The following PES1 variants were observed in gnomAD, a reference collection of about 807,000 sequenced individuals.
PES1 encodes the protein pescadillo homolog.
In PES1, 31 loss-of-function variants were observed where a neutral mutation model predicts 77.1. The ratio of observed to expected loss-of-function variants is 0.40; its 90% confidence interval spans 0.30 to 0.54. PES1 has a LOEUF of 0.54. Among genes scored for constraint, PES1 ranks in the 20% least tolerant of loss-of-function variants. The probability of loss-of-function intolerance (pLI) is 0.45; values close to 1 mark genes in which losing one functional copy is unlikely to be tolerated. For missense variants in PES1, 658 were observed against 771.7 expected (o/e 0.85, Z 1.75); for synonymous variants, 282 against 303.0 (o/e 0.93, Z 0.72).
At position 30,580,033 on chromosome 22, in the gene PES1, G is replaced by C; in HGVS notation, c.1169+20C>G. 1 of 1,612,954 alleles carries C rather than the reference G, an allele frequency of 6.2e-7. No individual in the cohort carries two copies. The highest frequency in any genetic ancestry group is 8.5e-7 in the Non-Finnish European group (1 of 1,179,414). ...AGACAGGATACCCAGAAATCCGGACGAGGACCCTTGAGGGCCTACCTGCCA... is the reference window on the plus strand; with the variant it reads ...AGACAGGATACCCAGAAATCCGGACCAGGACCCTTGAGGGCCTACCTGCCA... On this transcript the variant is annotated intron_variant, in intron 11 of 14. Coordinates refer to ENST00000354694, the MANE Select transcript of PES1 (RefSeq NM_014303.4).
At chr22:30,594,395 C>T (rs1467892651), upstream of PES1, among the ~76,000 whole-genome samples, 1 of 151,974 alleles carries the variant, frequency 6.6e-6, no homozygotes, top group Non-Finnish European at 1.5e-5. Flanking sequence ...TGATGCACAC[C>T]TGTAATCCCA....
chr22:30,599,099 T>C (rs2087314401), intron 2 of PES1, among the ~76,000 whole-genome samples: 1 of 151,592 alleles, frequency 6.6e-6, no homozygotes, highest in African/African-American at 2.4e-5. Context: ...GGATTTTTAC[T>C]ATGTTGGCCA....
At chr22:30,595,268 G>A (rs1466039492), upstream of PES1, among the ~76,000 whole-genome samples, 3 of 152,002 alleles carry the variant, frequency 2.0e-5, no homozygotes, top group Non-Finnish European at 2.9e-5. Flanking sequence ...GGCTGGGCGC[G>A]ACAGCTCATG....
At chr22:30,599,138 C>G (rs763793962) in intron 2 of PES1, among the ~76,000 whole-genome samples, 1 of 151,858 alleles carries the variant, frequency 6.6e-6, no homozygotes, top group Non-Finnish European at 1.5e-5. Context: ...GACAAGTGAT[C>G]CACTTGCCTC....
At chr22:30,591,239 A>G (rs752007764) in intron 1 of PES1, among the ~76,000 whole-genome samples, 1 of 152,134 alleles carries the variant, frequency 6.6e-6, no homozygotes, top group African/African-American at 2.4e-5. Flanking sequence ...ATCTTATCAG[A>G]TGCCATTCTT....
intron 1 of PES1, among the ~76,000 whole-genome samples, chr22:30,590,744 G>A (rs968312414): frequency 1.3e-5 from 2 of 152,130 alleles, no homozygotes; most frequent in African/African-American, 2.4e-5. Context: ...AGTAGGTAAA[G>A]GATCAGGGAT....
At chr22:30,584,109 C>CGG in intron 6 of PES1, 1 of 529,452 alleles carries the variant, frequency 1.9e-6, no homozygotes, top group Non-Finnish European at 3.4e-6. Flanking sequence ...GGTGTAGACA[C>CGG]TGTTAACTGA....
intron 2 of PES1, 126 bp downstream of exon 2, chr22:30,589,065 C>A (rs546053329): frequency 3.0e-6 from 2 of 657,442 alleles, no homozygotes; most frequent in East Asian, 2.8e-5. Context: ...AAAGCAAGGG[C>A]GGTGAGAAAG....
At chr22:30,596,780 C>A (rs892576635), upstream of PES1, among the ~76,000 whole-genome samples, 19 of 152,224 alleles carry the variant, frequency 1.2e-4, no homozygotes, top group African/African-American at 4.6e-4. Context: ...GCCCTTCAGC[C>A]CCGCTGCTGC....
rs1238590923 is a variant in PES1 at position 30,577,671 on chromosome 22, T to TG, written c.1684-543dup. 3.2e-3 allele frequency among the ~76,000 whole-genome samples: 489 copies of TG among 151,470 alleles called. 3 individuals are homozygous for TG. Among genetic ancestry groups the TG allele is most frequent in the African/African-American group, 0.011 (440 of 41,252 alleles). On this transcript the variant is annotated intron_variant, in intron 14 of 14. Coordinates refer to ENST00000354694, the MANE Select transcript of PES1 (RefSeq NM_014303.4). ...ATGCGTAGCCCTTTCTTTTTTTTTT[T>TG]GGGGGGTAGAGACAGGGTCTCAATA... is the stretch of plus-strand genomic sequence containing the variant.
chr22:30,598,043 C>T (rs1466898465), intron 2 of PES1, among the ~76,000 whole-genome samples: 1 of 152,036 alleles, frequency 6.6e-6, no homozygotes, highest in South Asian at 2.1e-4. Flanking sequence ...GCCACTACGC[C>T]CGGCTAGTTT....
At chr22:30,597,950 C>T (rs1238842570) in intron 2 of PES1, among the ~76,000 whole-genome samples, 6 of 142,626 alleles carry the variant, frequency 4.2e-5, no homozygotes, top group Non-Finnish European at 6.0e-5. Context: ...GTGGCGGCAT[C>T]TCGGCTCACT....
chr22:30,598,485 T>G (rs1358252796), intron 2 of PES1: 3 of 151,974 alleles, frequency 2.0e-5, no homozygotes, highest in Non-Finnish European at 4.4e-5. Context: ...TGGAGTGCAG[T>G]GGTAACAATC....
At chr22:30,603,925 A>T (rs1371024101) in intron 2 of PES1, 3 of 152,214 alleles carry the variant, frequency 2.0e-5, no homozygotes, top group Non-Finnish European at 4.4e-5. Flanking sequence ...AACTATAGTG[A>T]TCTGGCTGAA....
At position 30,602,993 on chromosome 22, in the gene PES1, C is replaced by G. The variant is rs867086256; in HGVS notation, c.-661+2468G>C. 4.6e-5 allele frequency among the ~76,000 whole-genome samples: 7 copies of G among 152,022 alleles called. No homozygotes were observed. The South Asian group carries it at 8.3e-4, about 18-fold the overall frequency. ...TGGCGTAATCTTGGCTCACTGCAAC[C>G]TCTACCTCCTGGGTTCAAGCAATTC... On this transcript the variant is annotated intron_variant, in intron 2 of 16. Transcript: ENST00000402281.
chr22:30,580,897 C>A, intron 9 of PES1, 115 bp downstream of exon 9: 1 of 1,184,534 alleles, frequency 8.4e-7, no homozygotes, highest in Admixed American at 2.1e-5. Context: ...TTCTTCTGCT[C>A]AGTTGCTTTG....
In PES1 at chr22:30,579,244, C is replaced by T. The variant is rs1602004355; in HGVS notation, c.1414G>A (p.Asp472Asn). ...EEDDNNEGDG[D>N]EEGENEEEEE... Reference sequence around the variant, plus strand: ...TCCTCCTCATTTTCTCCCTCTTCATCACCATCACCTTCGTTGTTGTCGTCC... The same window carrying T: ...TCCTCCTCATTTTCTCCCTCTTCATTACCATCACCTTCGTTGTTGTCGTCC... The change falls in exon 13 of 15, where the codon GAT becomes AAT. Residue 472 changes from aspartate (D) to asparagine (N), a missense_variant. By Grantham distance (23) the Asp-to-Asn change is conservative (BLOSUM62 1). Coordinates refer to ENST00000354694, the MANE Select transcript of PES1 (RefSeq NM_014303.4). 1 of 1,604,364 alleles carries T rather than the reference C, an allele frequency of 6.2e-7. No individual in the cohort carries two copies. Among genetic ancestry groups the T allele is most frequent in the Admixed American group, 1.7e-5 (1 of 60,002 alleles).
upstream of PES1, among the ~76,000 whole-genome samples, chr22:30,596,905 G>A (rs936921977): frequency 1.3e-5 from 2 of 152,214 alleles, no homozygotes; most frequent in African/African-American, 4.8e-5. Flanking sequence ...GCGCTTGCGG[G>A]CCAGCTAGAG....
At chr22:30,588,319 C>T (rs2087123986) in intron 2 of PES1, 145 bp from the exon 3 acceptor site, 1 of 863,992 alleles carries the variant, frequency 1.2e-6, no homozygotes, top group Admixed American at 2.8e-5. Flanking sequence ...ATGAGTCTGA[C>T]AGTCACAATC....
Sources: gnomAD v4.1 joint callset for allele counts (sites outside exome capture counted in the v4.1 genomes callset) on GRCh38, gnomAD v4.1.1 for gene constraint, MANE v1.5 for transcripts, NCBI Gene and HGNC (gene_info 2026-07-23, HGNC 2026-07-21) for gene names.